EPN2: variants seen among roughly 807,000 people sequenced by gnomAD.
EPN2 encodes epsin 2, also known as epsin-2.
Under a neutral mutation model 61.7 loss-of-function variants are expected in EPN2, and 34 were observed. That is an observed-to-expected ratio of 0.55 (90% CI 0.42 to 0.73). The LOEUF (loss-of-function observed/expected upper bound fraction) is 0.73. Among genes scored for constraint, EPN2 ranks in the 30% least tolerant of loss-of-function variants. The pLI is 0.00. For missense variants in EPN2, 714 were observed against 839.2 expected, an observed-to-expected ratio of 0.85 and a Z score of 1.84; for synonymous variants, 349 against 353.6, an observed-to-expected ratio of 0.99 and a Z score of 0.15.
At chr17:19,238,189 C>G (rs1376819676) in intron 1 of EPN2, among the ~76,000 whole-genome samples, 3 of 152,142 alleles carry the variant, frequency 2.0e-5, no homozygotes, top group Non-Finnish European at 4.4e-5. Context: ...TTTTGTTCCG[C>G]GTGGGATGGC....
chr17:19,279,462 A>C (rs1377596611), intron 1 of EPN2, among the ~76,000 whole-genome samples: 2 of 151,104 alleles, frequency 1.3e-5, no homozygotes, highest in Non-Finnish European at 3.0e-5. Flanking sequence ...TTTTTGAGAC[A>C]GAGTCTCACT....
In EPN2 at chr17:19,295,335, TAAA is replaced by T. The variant is rs546491742; in HGVS notation, c.766+9548_766+9550del. On this transcript the variant is annotated intron_variant, in intron 4 of 10. Coordinates refer to ENST00000314728, the MANE Select transcript of EPN2 (RefSeq NM_014964.5). Reference sequence around the variant, plus strand: ...CAACGCAGTGAAACCCCATCTCTATTAAAAATACACACACACACACACACACAC... The same window carrying T: ...CAACGCAGTGAAACCCCATCTCTATTAATACACACACACACACACACACAC... 1.1e-4 allele frequency among the ~76,000 whole-genome samples: 14 copies of T among 126,086 alleles called. No homozygotes were observed. The South Asian group carries it at 3.5e-3, about 32-fold the overall frequency. 82.7% of individuals were successfully genotyped at this position (126,086 alleles called of 152,430 possible).
In EPN2 at chr17:19,295,341, TACACAC is replaced by T. The variant is rs761662309; in HGVS notation, c.766+9572_766+9577del. On this transcript the variant is annotated intron_variant, in intron 4 of 10. Coordinates refer to ENST00000314728, the MANE Select transcript of EPN2 (RefSeq NM_014964.5). ...AGTGAAACCCCATCTCTATTAAAAA[TACACAC>T]ACACACACACACACACACACGCGCG... 4.6e-3 allele frequency among the ~76,000 whole-genome samples: 665 copies of T among 145,128 alleles called. 6 individuals are homozygous for T. Among genetic ancestry groups the T allele is most frequent in the African/African-American group, 6.8e-3 (266 of 39,154 alleles).
chr17:19,283,674 G>A lies in EPN2; in HGVS notation c.555G>A (p.Glu185=), dbSNP rs775391940. ...TCTCCACCAGCCACTCGGAGCAGGAGTATGGCAAGGCCGGGGGCTCCCCGG... is the reference window on the plus strand; with the variant it reads ...TCTCCACCAGCCACTCGGAGCAGGAATATGGCAAGGCCGGGGGCTCCCCGG... ...PNLSTSHSEQ[E]YGKAGGSPAS... Residue 185 remains glutamate (E), a synonymous_variant, in exon 3 of 11, where the codon GAG becomes GAA. Coordinates refer to ENST00000314728, the MANE Select transcript of EPN2 (RefSeq NM_014964.5). The surrounding 1 kb of genome is among the most constrained non-coding windows in gnomAD (Gnocchi z 7.0). 3.7e-6 allele frequency: 6 copies of A among 1,610,128 alleles called. No homozygotes were observed. Among genetic ancestry groups the A allele is most frequent in the Non-Finnish European group, 4.2e-6 (5 of 1,177,754 alleles).
At chr17:19,266,087 A>C (rs1480598055) in intron 1 of EPN2, among the ~76,000 whole-genome samples, 2 of 151,782 alleles carry the variant, frequency 1.3e-5, no homozygotes, top group African/African-American at 4.8e-5. Flanking sequence ...CCTTTCTCCC[A>C]CTGCTGCTTG....
At chr17:19,256,437 A>AG (rs1273256701) in intron 1 of EPN2, among the ~76,000 whole-genome samples, 4 of 151,660 alleles carry the variant, frequency 2.6e-5, no homozygotes, top group African/African-American at 9.7e-5. Flanking sequence ...AAAAAAAAAA[A>AG]AAAAAGTTCC....
chr17:19,254,942 T>C (rs560532416), intron 1 of EPN2, among the ~76,000 whole-genome samples: 2 of 152,258 alleles, frequency 1.3e-5, no homozygotes, highest in South Asian at 2.1e-4. Flanking sequence ...TGGTTGTCAG[T>C]GTGGAAAGTG....
intron 1 of EPN2, among the ~76,000 whole-genome samples, chr17:19,276,081 A>G (rs1019725809): frequency 1.3e-5 from 2 of 152,180 alleles, no homozygotes; most frequent in Non-Finnish European, 2.9e-5. Context: ...ATTTCAAAAC[A>G]GGTTTTTAGG....
intron 1 of EPN2, among the ~76,000 whole-genome samples, chr17:19,276,720 T>C (rs1371404139): frequency 6.6e-6 from 1 of 151,932 alleles, no homozygotes; most frequent in Non-Finnish European, 1.5e-5. Flanking sequence ...TCTAAAGGTG[T>C]TTCTAGTTAC....
chr17:19,241,728 T>G (rs978064007), intron 1 of EPN2, among the ~76,000 whole-genome samples: 1 of 152,142 alleles, frequency 6.6e-6, no homozygotes, highest in African/African-American at 2.4e-5. Flanking sequence ...TTGAAAGCCG[T>G]TTCAGCAGCC....
chr17:19,258,903 C>T (rs982238354), intron 1 of EPN2, among the ~76,000 whole-genome samples: 1 of 152,186 alleles, frequency 6.6e-6, no homozygotes, highest in African/African-American at 2.4e-5. Context: ...AGCCGACGGC[C>T]CACCACGTGT....
chr17:19,312,336 A>C (rs1906181563), intron 6 of EPN2, among the ~76,000 whole-genome samples, 192 bp downstream of exon 6: 1 of 152,202 alleles, frequency 6.6e-6, no homozygotes, highest in African/African-American at 2.4e-5. Context: ...ACCAGGAGAC[A>C]CTTAATGTCC....
chr17:19,315,134 G>T (rs550099423), intron 7 of EPN2, among the ~76,000 whole-genome samples: 4 of 152,130 alleles, frequency 2.6e-5, no homozygotes, highest in Non-Finnish European at 5.9e-5. Flanking sequence ...TTTACCAGGG[G>T]TAAGTTTTTC....
intron 1 of EPN2, among the ~76,000 whole-genome samples, chr17:19,247,024 C>T (rs2044960303): frequency 1.3e-5 from 2 of 152,138 alleles, no homozygotes; most frequent in African/African-American, 4.8e-5. Context: ...CCCACCTCAG[C>T]TTCCCAAAGT....
intron 7 of EPN2, among the ~76,000 whole-genome samples, chr17:19,323,683 AAGCCATTGCT>A (rs1416782946): frequency 2.0e-5 from 3 of 152,248 alleles, no homozygotes; most frequent in Non-Finnish European, 4.4e-5. Context: ...GTCAACTAGA[AAGCCATTGCT>A]AGCAAAATCA....
At chr17:19,290,768 G>A (rs2045456846) in intron 4 of EPN2, among the ~76,000 whole-genome samples, 1 of 148,442 alleles carries the variant, frequency 6.7e-6, no homozygotes, top group Admixed American at 6.7e-5. Flanking sequence ...ATTGCTTTCT[G>A]ATTCACTCAA....
chr17:19,329,498 G>A, intron 8 of EPN2, 63 bp from the exon 9 acceptor site: 1 of 986,244 alleles, frequency 1.0e-6, no homozygotes, highest in Non-Finnish European at 1.6e-6. Flanking sequence ...TGTGCACTGG[G>A]CAGTGGAGTT....
At chr17:19,321,362 G>T (rs1417419733) in intron 7 of EPN2, among the ~76,000 whole-genome samples, 1 of 152,204 alleles carries the variant, frequency 6.6e-6, no homozygotes, top group Non-Finnish European at 1.5e-5. Context: ...ACACAGCCCA[G>T]GGAATAGAGA....
At chr17:19,317,824 C>G (rs1338743398) in intron 7 of EPN2, among the ~76,000 whole-genome samples, 1 of 152,112 alleles carries the variant, frequency 6.6e-6, no homozygotes, top group Non-Finnish European at 1.5e-5. Flanking sequence ...AGGAGCATGC[C>G]CATTGCCTCC....
Sources: gnomAD v4.1 joint callset for allele counts (sites outside exome capture counted in the v4.1 genomes callset) on GRCh38, gnomAD v4.1.1 for gene constraint, Gnocchi (gnomAD v3.1) non-coding constraint, MANE v1.5 for transcripts, NCBI Gene and HGNC (gene_info 2026-07-23, HGNC 2026-07-21) for gene names.